FMR1: variants seen among roughly 807,000 people sequenced by gnomAD.
FMR1 encodes the protein FMRP translational regulator 1.
FMR1 carries 13 observed loss-of-function variants against 50.6 expected under a neutral mutation model. That is an observed-to-expected ratio of 0.26 (90% CI 0.17 to 0.41). The LOEUF is 0.41. FMR1 is among the 10% of genes least tolerant of loss of function. The pLI, the probability that FMR1 is intolerant of heterozygous loss-of-function variation, is 1.00. For missense variants in FMR1, 316 were observed against 491.3 expected (o/e 0.64, Z 3.37); for synonymous variants, 138 against 164.1 (o/e 0.84, Z 1.22).
intron 12 of FMR1, 30 bp downstream of exon 12, chrX:147,938,191 T>G: frequency 9.3e-7 from 1 of 1,071,905 alleles, no homozygotes; most frequent in Non-Finnish European, 1.3e-6. Context: ...GAAATACACT[T>G]TCAGTTTATA....
chrX:147,949,973 A>C lies in FMR1; in HGVS notation c.*1129A>C, dbSNP rs1374679120. 5.0e-5 allele frequency: 16 copies of C among 316,912 alleles called. No homozygotes were observed. Among genetic ancestry groups the C allele is most frequent in the Non-Finnish European group, 9.6e-5 (16 of 166,931 alleles). The allele number at this position is 316,912 out of a possible 1,213,427, so 26.1% of individuals were successfully genotyped here. A position where few individuals can be genotyped will look rare whatever the true frequency, so the allele number is the denominator to read the frequency against. On this transcript the variant is annotated 3_prime_UTR_variant, in exon 17 of 17. Coordinates refer to ENST00000370475, the MANE Select transcript of FMR1 (RefSeq NM_002024.6). ...TGTAAACTTTGAAATATATGGTCTA[A>C]TGTTTAAGCAGAATTGGAAAAGACT...
At chrX:147,933,385 AT>A in intron 9 of FMR1, 1 of 867,380 alleles carries the variant, frequency 1.2e-6, no homozygotes, top group Non-Finnish European at 1.5e-6. Context: ...GATAGCATTC[AT>A]TTTAATTATC....
chrX:147,915,042 TACAAACC>T (rs2042783245), intron 1 of FMR1, among the ~76,000 whole-genome samples: 1 of 111,976 alleles, frequency 8.9e-6, no homozygotes, highest in Non-Finnish European at 1.9e-5. Context: ...AGACATAAGA[TACAAACC>T]TTTTTGTTTT....
chrX:147,924,416 C>T (rs2043306870), intron 2 of FMR1, among the ~76,000 whole-genome samples: 1 of 108,712 alleles, frequency 9.2e-6, no homozygotes, highest in Admixed American at 9.9e-5. Context: ...GTGACTGCTC[C>T]GGAAGTTGAA....
At chrX:147,917,107 T>C (rs2042908921) in intron 1 of FMR1, among the ~76,000 whole-genome samples, 1 of 112,176 alleles carries the variant, frequency 8.9e-6, no homozygotes, top group African/African-American at 3.2e-5. Flanking sequence ...ACATGTTCTG[T>C]CTTCAGTAAG....
At chrX:147,938,660 T>C in intron 12 of FMR1, among the ~76,000 whole-genome samples, 1 of 112,001 alleles carries the variant, frequency 8.9e-6, no homozygotes, top group Non-Finnish European at 1.9e-5. Flanking sequence ...TGTTTATTTG[T>C]TGATCTCCTC....
chrX:147,912,160 C>T lies in FMR1; in HGVS notation c.-20C>T. ...ACCTCTCGGGGGCGGGCTCCCGGCG[C>T]TAGCAGGGCTGAAGAGAAGATGGAG... On this transcript the variant is annotated 5_prime_UTR_variant, in exon 1 of 17. Coordinates refer to ENST00000370475, the MANE Select transcript of FMR1 (RefSeq NM_002024.6). The T allele has an allele frequency of 9.0e-7, 1 of 1,110,707 alleles. No individual in the cohort carries two copies. Among genetic ancestry groups the T allele is most frequent in the Non-Finnish European group, 1.2e-6 (1 of 842,943 alleles). The allele number at this position is 1,110,707 out of a possible 1,213,427, so 91.5% of individuals were successfully genotyped here.
Position 147,936,632 on chromosome X carries a change from A to G in FMR1, c.990+19A>G. The G allele has an allele frequency of 1.0e-6, 1 of 970,283 alleles. No homozygotes were observed. The highest frequency in any genetic ancestry group is 1.5e-6 in the Non-Finnish European group (1 of 675,319). 80.0% of individuals were successfully genotyped at this position (970,283 alleles called of 1,213,427 possible). A position where few individuals can be genotyped will look rare whatever the true frequency, so the allele number is the denominator to read the frequency against. On this transcript the variant is annotated intron_variant, in intron 10 of 16. Transcript: ENST00000370475. ...AGAAGAGGTATGTTACAGTGCGAAT[A>G]TTTTGTGGCACATATAATAAAAGTA... is the stretch of plus-strand genomic sequence containing the variant.
intron 1 of FMR1, chrX:147,913,217 G>T (rs1230776713): frequency 8.9e-6 from 1 of 112,312 alleles, no homozygotes; most frequent in Non-Finnish European, 1.9e-5. Context: ...GCTTTATATA[G>T]GCATTCATGG....
intron 7 of FMR1, 85 bp downstream of exon 7, chrX:147,930,329 G>A (rs782098551): frequency 1.6e-6 from 1 of 610,885 alleles, no homozygotes; most frequent in Non-Finnish European, 2.8e-6. Flanking sequence ...TGGGGAGCTT[G>A]TCATTTATTT....
intron 3 of FMR1, among the ~76,000 whole-genome samples, chrX:147,926,131 C>T (rs2043377568): frequency 8.9e-6 from 1 of 111,852 alleles, no homozygotes; most frequent in South Asian, 3.7e-4. Context: ...CAGGTTATAC[C>T]GTGAACTACC....
intron 1 of FMR1, among the ~76,000 whole-genome samples, chrX:147,915,597 A>G (rs1169752728): frequency 2.7e-5 from 3 of 110,942 alleles, no homozygotes; most frequent in African/African-American, 9.9e-5. Flanking sequence ...TATTCTCATA[A>G]CCTCCAAATT....
chrX:147,945,785 A>G, intron 16 of FMR1, 169 bp downstream of exon 16: 3 of 464,586 alleles, frequency 6.5e-6, no homozygotes, highest in Non-Finnish European at 1.1e-5. Context: ...CTTTGTGACA[A>G]GTATACAAAT....
At chrX:147,914,067 A>C (rs1557174586) in intron 1 of FMR1, 1 of 112,413 alleles carries the variant, frequency 8.9e-6, no homozygotes, top group African/African-American at 3.2e-5. Context: ...TTTTGCTTGC[A>C]CACTGACTGG....
chrX:147,934,728 A>G (rs1198550802), intron 9 of FMR1, among the ~76,000 whole-genome samples: 1 of 112,183 alleles, frequency 8.9e-6, no homozygotes, highest in African/African-American at 3.2e-5. Context: ...AGTTAGTAAA[A>G]TGAGATAATT....
chrX:147,928,223 C>T lies in FMR1; in HGVS notation c.199-99C>T, dbSNP rs782663449. 10 of 753,878 alleles carry T rather than the reference C, an allele frequency of 1.3e-5. No homozygotes were observed. The South Asian group carries it at 1.8e-4, about 13-fold the overall frequency. 62.1% of individuals were successfully genotyped at this position (753,878 alleles called of 1,213,427 possible). ...ATATGACATGTGGTTTTTAAAGACA[C>T]CTAGGGGCATTTTAAGAAAATTTCC... On this transcript the variant is annotated intron_variant, in intron 3 of 16. Transcript: ENST00000370475.
intron 1 of FMR1, 93 bp from the exon 2 acceptor site, chrX:147,921,840 A>G (rs1196176455): frequency 3.6e-6 from 2 of 559,829 alleles, no homozygotes; most frequent in East Asian, 6.8e-5. Flanking sequence ...TTATTCATAA[A>G]CACATAAAAC....
In FMR1 at chrX:147,926,109, A is replaced by T. The variant is rs186984505; in HGVS notation, c.198+476A>T. On this transcript the variant is annotated intron_variant, in intron 3 of 16. Coordinates refer to ENST00000370475, the MANE Select transcript of FMR1 (RefSeq NM_002024.6). ...GCTTTAGTTTATACATATTGGTAAA[A>T]TCTCTTTTTCACAGGTTATACCGTG... Among the ~76,000 whole-genome samples, 321 of 112,128 alleles carry T rather than the reference A, an allele frequency of 2.9e-3. 2 individuals are homozygous for T. The highest frequency in any genetic ancestry group is 5.7e-3 in the Admixed American group (60 of 10,605).
intron 7 of FMR1, among the ~76,000 whole-genome samples, chrX:147,931,427 T>A (rs933136947): frequency 4.5e-5 from 5 of 111,804 alleles, no homozygotes; most frequent in African/African-American, 1.6e-4. Context: ...AAAAAATGGG[T>A]ATTGCACTTT....
Sources: gnomAD v4.1 joint callset for allele counts (sites outside exome capture counted in the v4.1 genomes callset) on GRCh38, gnomAD v4.1.1 for gene constraint, MANE v1.5 for transcripts, NCBI Gene and HGNC (gene_info 2026-07-23, HGNC 2026-07-21) for gene names.